BTBD9: variants seen among roughly 807,000 people sequenced by gnomAD.
BTBD9 encodes the protein BTB/POZ domain-containing protein 9.
In BTBD9, 49 loss-of-function variants were observed where a neutral mutation model predicts 64.3. The observed-to-expected ratio is 0.76, with a 90% CI of 0.61 to 0.97. The LOEUF (loss-of-function observed/expected upper bound fraction) is 0.97. Among genes scored for constraint, BTBD9 ranks in the 50% least tolerant of loss-of-function variants. The pLI, the probability that BTBD9 is intolerant of heterozygous loss-of-function variation, is 0.00. For missense variants in BTBD9, 598 were observed against 762.1 expected, an observed-to-expected ratio of 0.78 and a Z score of 2.53; for synonymous variants, 260 against 274.7, an observed-to-expected ratio of 0.95 and a Z score of 0.53.
intron 6 of BTBD9, among the ~76,000 whole-genome samples, chr6:38,474,644 C>G (rs1770799621): frequency 6.6e-6 from 1 of 152,166 alleles, no homozygotes; most frequent in African/African-American, 2.4e-5. Context: ...AGCACAGCTC[C>G]TGGTTCATAC....
intron 9 of BTBD9, among the ~76,000 whole-genome samples, chr6:38,253,001 CT>C (rs1289188802): frequency 2.6e-5 from 4 of 152,150 alleles, no homozygotes; most frequent in Non-Finnish European, 5.9e-5. Context: ...GTAATCCCAG[CT>C]ACTCAGGAGT....
intron 7 of BTBD9, among the ~76,000 whole-genome samples, chr6:38,294,764 C>T (rs1762097024): frequency 6.6e-6 from 1 of 151,136 alleles, no homozygotes. Context: ...AACAAACCTG[C>T]ACATTCTGCA....
At chr6:38,390,305 G>A (rs1050003467) in intron 6 of BTBD9, among the ~76,000 whole-genome samples, 12 of 152,052 alleles carry the variant, frequency 7.9e-5, no homozygotes, top group Non-Finnish European at 1.2e-4. Context: ...GGCTGGTCTC[G>A]AACTCCTGAC....
chr6:38,609,143 A>G (rs971462544), intron 1 of BTBD9, among the ~76,000 whole-genome samples: 2 of 152,152 alleles, frequency 1.3e-5, no homozygotes, highest in African/African-American at 4.8e-5. Context: ...TTAGGAACAG[A>G]AAAAGCTTAG....
chr6:38,352,663 G>C (rs1033527573), intron 6 of BTBD9, among the ~76,000 whole-genome samples: 1 of 152,202 alleles, frequency 6.6e-6, no homozygotes, highest in African/African-American at 2.4e-5. Flanking sequence ...AAGGCCATAA[G>C]AGCTTATTAC....
chr6:38,565,480 C>G (rs1214114218), intron 6 of BTBD9, among the ~76,000 whole-genome samples: 1 of 149,510 alleles, frequency 6.7e-6, no homozygotes, highest in Non-Finnish European at 1.5e-5. Context: ...CCCTATAAAA[C>G]CATCTGATCA....
chr6:38,522,512 C>T (rs1380196851), intron 6 of BTBD9, among the ~76,000 whole-genome samples: 1 of 152,220 alleles, frequency 6.6e-6, no homozygotes, highest in Non-Finnish European at 1.5e-5. Flanking sequence ...TCTTTGACGT[C>T]CGTCTGGGTC....
chr6:38,620,828 A>G (rs1486723471), intron 1 of BTBD9, among the ~76,000 whole-genome samples: 1 of 152,160 alleles, frequency 6.6e-6, no homozygotes, highest in Non-Finnish European at 1.5e-5. Flanking sequence ...TGAGATGGCC[A>G]GGCCACTCTA....
intron 4 of BTBD9, among the ~76,000 whole-genome samples, chr6:38,590,119 T>A (rs1383968252): frequency 2.0e-5 from 3 of 152,168 alleles, no homozygotes; most frequent in Non-Finnish European, 4.4e-5. Context: ...TGCTATTTGG[T>A]GTGTTAAATG....
intron 6 of BTBD9, among the ~76,000 whole-genome samples, chr6:38,363,515 G>C (rs1264492068): frequency 6.6e-6 from 1 of 152,212 alleles, no homozygotes; most frequent in East Asian, 1.9e-4. Context: ...GGAGCTGGAG[G>C]CTGCAGTGAG....
chr6:38,197,288 G>A (rs149323264), intron 9 of BTBD9, among the ~76,000 whole-genome samples: 6 of 152,302 alleles, frequency 3.9e-5, no homozygotes, highest in Admixed American at 6.5e-5. Context: ...TAATCTGTGC[G>A]ACATCCTAGA....
At chr6:38,199,320 T>C (rs1762376622) in intron 9 of BTBD9, among the ~76,000 whole-genome samples, 3 of 152,124 alleles carry the variant, frequency 2.0e-5, no homozygotes. Flanking sequence ...GGCAGGAGAC[T>C]GGAGAGTCCC....
chr6:38,419,736 A>G (rs1275185117), intron 6 of BTBD9, among the ~76,000 whole-genome samples: 2 of 152,026 alleles, frequency 1.3e-5, no homozygotes, highest in East Asian at 3.9e-4. Flanking sequence ...CGGTTGTGGC[A>G]GTGCATGCCT....
intron 8 of BTBD9, among the ~76,000 whole-genome samples, chr6:38,265,160 T>C (rs1004438454): frequency 6.6e-6 from 1 of 151,994 alleles, no homozygotes; most frequent in Non-Finnish European, 1.5e-5. Context: ...CTCGGGTGTG[T>C]GGCATATGTA....
intron 1 of BTBD9, among the ~76,000 whole-genome samples, chr6:38,606,794 G>A (rs911106753): frequency 6.6e-6 from 1 of 152,018 alleles, no homozygotes; most frequent in Non-Finnish European, 1.5e-5. Context: ...AATTGAATTA[G>A]GTAGGTACTT....
intron 6 of BTBD9, among the ~76,000 whole-genome samples, chr6:38,534,203 C>A (rs145929087): frequency 2.0e-5 from 3 of 151,886 alleles, no homozygotes; most frequent in Non-Finnish European, 4.4e-5. Context: ...ACTGATACTG[C>A]AGAAATTCAA....
At chr6:38,490,623 A>G (rs1771664295) in intron 6 of BTBD9, among the ~76,000 whole-genome samples, 1 of 152,134 alleles carries the variant, frequency 6.6e-6, no homozygotes. Flanking sequence ...CCCGGCCGAC[A>G]CATCCAGTTC....
rs1387343109 is a variant in BTBD9, at chr6:38,245,250, C to G, written c.1562+11159G>C. ...GCTATGAATGGGTAATTGCAAACTGCAACAAGGGCTGTGAAAAAAAGTAGC... is the reference window on the plus strand; with the variant it reads ...GCTATGAATGGGTAATTGCAAACTGGAACAAGGGCTGTGAAAAAAAGTAGC... On this transcript the variant is annotated intron_variant, in intron 9 of 10. Transcript: ENST00000481247. 3.3e-5 allele frequency among the ~76,000 whole-genome samples: 5 copies of G among 152,130 alleles called. 1 individual carries two copies. The highest frequency in any genetic ancestry group is 3.3e-4 in the Admixed American group (5 of 15,274).
intron 8 of BTBD9, among the ~76,000 whole-genome samples, chr6:38,284,769 A>C (rs904613930): frequency 4.6e-5 from 7 of 152,174 alleles, no homozygotes; most frequent in African/African-American, 1.4e-4. Context: ...AGTTCAGGAG[A>C]TAATGGACGG....
Sources: allele counts gnomAD v4.1 joint callset (sites outside exome capture counted in the v4.1 genomes callset), GRCh38; gene constraint gnomAD v4.1.1; transcripts MANE v1.5; gene names NCBI Gene and HGNC (gene_info 2026-07-23, HGNC 2026-07-21).